Variants in TACR1 observed in about 807,000 individuals in gnomAD.
TACR1 encodes substance-P receptor.
Under a neutral mutation model 35.8 loss-of-function variants are expected in TACR1, and 25 were observed. The observed-to-expected ratio is 0.70, with a 90% CI of 0.51 to 0.98. The LOEUF (loss-of-function observed/expected upper bound fraction) is 0.98, where lower values mean the gene tolerates loss of function less well. TACR1 is among the 50% of genes least tolerant of loss of function. The pLI, the probability that TACR1 is intolerant of heterozygous loss-of-function variation, is 0.00. For synonymous variants in TACR1, 195 were observed against 206.7 expected, an observed-to-expected ratio of 0.94 and a Z score of 0.48; for missense variants, 478 against 522.9, an observed-to-expected ratio of 0.91 and a Z score of 0.84.
chr2:75,101,929 G>A (rs556723215), intron 2 of TACR1, among the ~76,000 whole-genome samples: 51 of 152,130 alleles, frequency 3.4e-4, no homozygotes, highest in African/African-American at 1.2e-3. Flanking sequence ...GAGTGATGGA[G>A]TGAGACTCTG....
intron 1 of TACR1, chr2:75,188,189 A>G (rs1280333766): frequency 1.3e-5 from 2 of 152,224 alleles, no homozygotes; most frequent in African/African-American, 4.8e-5. Context: ...GACTATTTAG[A>G]AGAGTATCTC....
chr2:75,091,344 G>T (rs1673308653), intron 2 of TACR1, among the ~76,000 whole-genome samples: 1 of 151,662 alleles, frequency 6.6e-6, no homozygotes, highest in Non-Finnish European at 1.5e-5. Flanking sequence ...ATTGGGTGAT[G>T]TTCAAGACCT....
intron 2 of TACR1, among the ~76,000 whole-genome samples, chr2:75,086,777 AG>A (rs1673196500): frequency 6.6e-6 from 1 of 152,186 alleles, no homozygotes; most frequent in Non-Finnish European, 1.5e-5. Flanking sequence ...TTCAAAAGAG[AG>A]AGAATGTTTA....
chr2:75,167,087 AC>A (rs1395621730), intron 1 of TACR1, among the ~76,000 whole-genome samples: 1 of 152,234 alleles, frequency 6.6e-6, no homozygotes, highest in East Asian at 1.9e-4. Context: ...AAAAAGATAA[AC>A]GACAGGAACA....
chr2:75,115,187 C>T (rs1673826610), intron 2 of TACR1, among the ~76,000 whole-genome samples: 1 of 106,504 alleles, frequency 9.4e-6, no homozygotes, highest in Non-Finnish European at 2.0e-5. Flanking sequence ...ATGAAATAAG[C>T]AGATTATAAA....
Position 75,199,178 on chromosome 2 carries a change from A to C in TACR1, c.-244T>G. 1 of 508,086 alleles carries C rather than the reference A, an allele frequency of 2.0e-6. No individual in the cohort carries two copies. The highest frequency in any genetic ancestry group is 3.5e-6 in the Non-Finnish European group (1 of 284,628). The allele number at this position is 508,086 out of a possible 1,614,324, so 31.5% of individuals were successfully genotyped here. A position where few individuals can be genotyped will look rare whatever the true frequency, so the allele number is the denominator to read the frequency against. On this transcript the variant is annotated 5_prime_UTR_variant, in exon 1 of 5. Coordinates refer to ENST00000305249, the MANE Select transcript of TACR1 (RefSeq NM_001058.4). ...ACTTTCAAGCTTCAGGAGACGTTTG[A>C]GTTCAGAAGTCTGGAGACAGCATCT...
intron 1 of TACR1, among the ~76,000 whole-genome samples, chr2:75,125,455 G>A (rs1411064614): frequency 1.3e-5 from 2 of 152,120 alleles, no homozygotes; most frequent in African/African-American, 2.4e-5. Flanking sequence ...AAAGTGCTGG[G>A]ATTACAGGCA....
chr2:75,057,229 C>T (rs1558538267), intron 2 of TACR1, among the ~76,000 whole-genome samples: 1 of 151,312 alleles, frequency 6.6e-6, no homozygotes, highest in Non-Finnish European at 1.5e-5. Flanking sequence ...ATTCCTTCTC[C>T]TGGCTCATCC....
rs114337645 is a variant in TACR1 at position 75,193,801 on chromosome 2, C to T, written c.389+4745G>A. Among the ~76,000 whole-genome samples, 818 of 152,320 alleles carry T rather than the reference C, an allele frequency of 5.4e-3. 8 individuals carry two copies. Among genetic ancestry groups the T allele is most frequent in the African/African-American group, 0.019 (772 of 41,560 alleles). On this transcript the variant is annotated intron_variant, in intron 1 of 4. Transcript: ENST00000305249. ...TCCTATGGAATATATCTGTACAACC[C>T]ATATGAAACATTTTACTTAATACCT...
intron 2 of TACR1, among the ~76,000 whole-genome samples, chr2:75,079,987 A>G (rs1254390965): frequency 6.6e-6 from 1 of 152,164 alleles, no homozygotes; most frequent in African/African-American, 2.4e-5. Flanking sequence ...GCAGAAACTA[A>G]TTTTGAAATA....
At chr2:75,103,173 A>G (rs1272591668) in intron 2 of TACR1, among the ~76,000 whole-genome samples, 1 of 152,192 alleles carries the variant, frequency 6.6e-6, no homozygotes, top group African/African-American at 2.4e-5. Flanking sequence ...ATATACCTAG[A>G]GCCCAGGTGT....
intron 1 of TACR1, among the ~76,000 whole-genome samples, chr2:75,134,392 A>G (rs975339660): frequency 2.0e-5 from 3 of 152,348 alleles, no homozygotes; most frequent in South Asian, 2.1e-4. Flanking sequence ...AGAAGGGCTC[A>G]GTATATTCAT....
At chr2:75,184,793 T>A (rs1055219162) in intron 1 of TACR1, among the ~76,000 whole-genome samples, 2 of 151,508 alleles carry the variant, frequency 1.3e-5, no homozygotes, top group African/African-American at 4.8e-5. Context: ...TAAAACTTTT[T>A]AAAAAATGTG....
chr2:75,139,581 A>T (rs1212015306), intron 1 of TACR1, among the ~76,000 whole-genome samples: 2 of 152,214 alleles, frequency 1.3e-5, no homozygotes, highest in African/African-American at 4.8e-5. Context: ...TATGCCCTTA[A>T]GCCACTAGGT....
intron 1 of TACR1, among the ~76,000 whole-genome samples, chr2:75,150,360 A>G (rs1390896322): frequency 1.3e-5 from 2 of 152,202 alleles, no homozygotes; most frequent in Non-Finnish European, 1.5e-5. Context: ...CTTGAATTGT[A>G]TCTCCCATAA....
intron 2 of TACR1, among the ~76,000 whole-genome samples, chr2:75,089,857 A>G (rs530932249): frequency 2.0e-5 from 3 of 152,328 alleles, no homozygotes; most frequent in East Asian, 1.9e-4. Context: ...CAGCCAAACC[A>G]TAGTACATTA....
At chr2:75,120,041 G>C (rs1467812868) in intron 2 of TACR1, among the ~76,000 whole-genome samples, 3 of 152,148 alleles carry the variant, frequency 2.0e-5, no homozygotes, top group African/African-American at 7.2e-5. Flanking sequence ...TGGGTGTTCA[G>C]ATGCCAGCTC....
intron 2 of TACR1, among the ~76,000 whole-genome samples, chr2:75,081,811 G>A (rs916808346): frequency 6.6e-6 from 1 of 151,864 alleles, no homozygotes; most frequent in African/African-American, 2.4e-5. Context: ...GAGATGATAT[G>A]CAGACTCTGC....
intron 2 of TACR1, among the ~76,000 whole-genome samples, chr2:75,110,053 C>T (rs1397466056): frequency 1.3e-5 from 2 of 152,014 alleles, no homozygotes; most frequent in East Asian, 1.9e-4. Context: ...TCTTCTGGTG[C>T]GGCTTTTGAA....
Sources: allele counts gnomAD v4.1 joint callset (sites outside exome capture counted in the v4.1 genomes callset), GRCh38; gene constraint gnomAD v4.1.1; transcripts MANE v1.5; gene names NCBI Gene and HGNC (gene_info 2026-07-23, HGNC 2026-07-21).